GRID2: variants seen among roughly 807,000 people sequenced by gnomAD.
GRID2 encodes the protein glutamate receptor ionotropic, delta-2.
A neutral mutation model predicts 114.8 loss-of-function variants in GRID2; 33 were observed. The observed-to-expected ratio is 0.29, with a 90% CI of 0.22 to 0.38. The LOEUF (loss-of-function observed/expected upper bound fraction) is 0.38. Among genes scored for constraint, GRID2 ranks in the 10% least tolerant of loss-of-function variants. The probability of loss-of-function intolerance (pLI) is 1.00; values close to 1 mark genes in which losing one functional copy is unlikely to be tolerated. For synonymous variants in GRID2, 505 were observed against 449.9 expected (o/e 1.12, Z -1.55); for missense variants, 1,184 against 1,257.7 (o/e 0.94, Z 0.89).
At chr4:92,342,996 A>T (rs565028933) in intron 1 of GRID2, among the ~76,000 whole-genome samples, 47 of 152,334 alleles carry the variant, frequency 3.1e-4, no homozygotes, top group Non-Finnish European at 2.1e-4. Context: ...TAAGTGAATG[A>T]AATATATAAT....
At chr4:92,539,265 G>T (rs2149160721) in intron 1 of GRID2, among the ~76,000 whole-genome samples, 1 of 152,194 alleles carries the variant, frequency 6.6e-6, no homozygotes, top group South Asian at 2.1e-4. Flanking sequence ...TGAAACTAAT[G>T]AGTGTTTAAC....
intron 8 of GRID2, among the ~76,000 whole-genome samples, chr4:93,258,638 A>C (rs1749893670): frequency 6.6e-6 from 1 of 151,740 alleles, no homozygotes. Context: ...AAGCAGCAGG[A>C]TGGTGCTTAT....
chr4:93,645,807 G>A (rs1416401723), intron 14 of GRID2, among the ~76,000 whole-genome samples: 2 of 152,012 alleles, frequency 1.3e-5, no homozygotes, highest in Admixed American at 6.6e-5. Flanking sequence ...ATCATTTCTT[G>A]TGTTCATACT....
At chr4:92,454,205 C>G (rs940698949) in intron 1 of GRID2, among the ~76,000 whole-genome samples, 1 of 152,030 alleles carries the variant, frequency 6.6e-6, no homozygotes, top group Non-Finnish European at 1.5e-5. Context: ...AAAACAATGA[C>G]AAAATAATTA....
intron 2 of GRID2, among the ~76,000 whole-genome samples, chr4:92,730,707 T>A (rs1736289538): frequency 6.6e-6 from 1 of 151,848 alleles, no homozygotes; most frequent in Non-Finnish European, 1.5e-5. Context: ...CAGAAGAAAA[T>A]GTTCCCCGAT....
intron 2 of GRID2, among the ~76,000 whole-genome samples, chr4:92,656,370 A>G (rs1732235941): frequency 6.6e-6 from 1 of 151,670 alleles, no homozygotes; most frequent in African/African-American, 2.4e-5. Context: ...TGTTCTCCAT[A>G]TACTTTTTGC....
At chr4:93,223,323 T>G (rs1264713037) in intron 6 of GRID2, among the ~76,000 whole-genome samples, 1 of 152,048 alleles carries the variant, frequency 6.6e-6, no homozygotes, top group Non-Finnish European at 1.5e-5. Context: ...CAATGTCTCT[T>G]CAAAAAAGGC....
chr4:93,332,297 TGTGA>T lies in GRID2; in HGVS notation c.1246-63308_1246-63305del, dbSNP rs1213996483. Among the ~76,000 whole-genome samples, 1,053 of 133,030 alleles carry T rather than the reference TGTGA, an allele frequency of 7.9e-3. 13 individuals are homozygous for T. Among genetic ancestry groups the T allele is most frequent in the African/African-American group, 0.031 (964 of 31,328 alleles). The allele number at this position is 133,030 out of a possible 152,430, so 87.3% of individuals were successfully genotyped here. ...GTGTGTGTGTGTGTGTGTGTGTGTG[TGTGA>T]GAGAGAGAGAGAGAGAGAGAGAGAA... On this transcript the variant is annotated intron_variant, in intron 8 of 15. Coordinates refer to ENST00000282020, the MANE Select transcript of GRID2 (RefSeq NM_001510.4).
At chr4:93,070,296 C>T (rs969365260) in intron 2 of GRID2, among the ~76,000 whole-genome samples, 1 of 152,052 alleles carries the variant, frequency 6.6e-6, no homozygotes, top group Non-Finnish European at 1.5e-5. Context: ...TTTCTGACCT[C>T]ATGCACTGTT....
At chr4:92,706,847 A>T (rs1734980555) in intron 2 of GRID2, among the ~76,000 whole-genome samples, 2 of 152,186 alleles carry the variant, frequency 1.3e-5, no homozygotes, top group African/African-American at 4.8e-5. Context: ...GTGAAATAAA[A>T]TGATGCTTTA....
chr4:93,151,049 G>A (rs1480724687), intron 4 of GRID2, among the ~76,000 whole-genome samples: 3 of 150,196 alleles, frequency 2.0e-5, no homozygotes, highest in Non-Finnish European at 4.4e-5. Context: ...GAATGGACGT[G>A]GGATGCGGAG....
intron 2 of GRID2, among the ~76,000 whole-genome samples, chr4:92,614,402 A>G (rs757490260): frequency 1.3e-5 from 2 of 151,672 alleles, no homozygotes; most frequent in African/African-American, 4.8e-5. Flanking sequence ...CCTGATTGCT[A>G]TAAATGTAAA....
intron 1 of GRID2, among the ~76,000 whole-genome samples, chr4:92,364,983 C>T (rs1263542537): frequency 6.6e-6 from 1 of 151,918 alleles, no homozygotes. Context: ...AGTGGTTTCC[C>T]AGCAAAAAAT....
At chr4:93,271,596 A>G (rs753601077) in intron 8 of GRID2, among the ~76,000 whole-genome samples, 1 of 152,202 alleles carries the variant, frequency 6.6e-6, no homozygotes, top group Non-Finnish European at 1.5e-5. Context: ...TTGAATTTTC[A>G]CTAAGGTTAG....
intron 1 of GRID2, among the ~76,000 whole-genome samples, chr4:92,421,983 T>A (rs778629322): frequency 5.9e-5 from 9 of 151,988 alleles, no homozygotes; most frequent in Non-Finnish European, 1.2e-4. Context: ...TGTCAAGCAG[T>A]GGAAGTTCAG....
At chr4:93,099,605 CAAAGAAAAA>C (rs1233529457) in intron 3 of GRID2, among the ~76,000 whole-genome samples, 1 of 151,578 alleles carries the variant, frequency 6.6e-6, no homozygotes, top group Non-Finnish European at 1.5e-5. Context: ...TGCACAAAAA[CAAAGAAAAA>C]AATCAACTTT....
chr4:93,175,571 A>G (rs1739278523), intron 4 of GRID2, among the ~76,000 whole-genome samples: 1 of 152,152 alleles, frequency 6.6e-6, no homozygotes, highest in South Asian at 2.1e-4. Context: ...TTTCTTTTTC[A>G]AAGATATGCA....
chr4:92,385,329 TTAG>T (rs1729893878), intron 1 of GRID2, among the ~76,000 whole-genome samples: 1 of 151,852 alleles, frequency 6.6e-6, no homozygotes. Flanking sequence ...TGTTTTGTTG[TTAG>T]TATTATTTGC....
At chr4:93,533,982 G>T (rs187620978) in intron 13 of GRID2, among the ~76,000 whole-genome samples, 1 of 151,978 alleles carries the variant, frequency 6.6e-6, no homozygotes, top group Non-Finnish European at 1.5e-5. Context: ...TATCTTTCTG[G>T]CTTGGCTTAT....
Sources: gnomAD v4.1 joint callset for allele counts (sites outside exome capture counted in the v4.1 genomes callset) on GRCh38, gnomAD v4.1.1 for gene constraint, MANE v1.5 for transcripts, NCBI Gene and HGNC (gene_info 2026-07-23, HGNC 2026-07-21) for gene names.